The following TMEM255A variants were observed in gnomAD, a reference collection of about 807,000 sequenced individuals.
TMEM255A encodes family with sequence similarity 70, member A.
Under a neutral mutation model 23.5 loss-of-function variants are expected in TMEM255A, and 14 were observed. That is an observed-to-expected ratio of 0.60 (90% CI 0.39 to 0.93). The LOEUF is 0.93. Among genes scored for constraint, TMEM255A ranks in the 40% least tolerant of loss-of-function variants. The probability of loss-of-function intolerance (pLI) is 0.00; values close to 1 mark genes in which losing one functional copy is unlikely to be tolerated. For missense variants in TMEM255A, 233 were observed against 261.7 expected, an observed-to-expected ratio of 0.89 and a Z score of 0.76; for synonymous variants, 104 against 100.3, an observed-to-expected ratio of 1.04 and a Z score of -0.22.
chrX:120,253,221 C>T, the TMEM255A span, among the ~76,000 whole-genome samples: 3 of 112,210 alleles, frequency 2.7e-5, no homozygotes, highest in African/African-American at 9.7e-5. Flanking sequence ...AACTCAGGAG[C>T]AAGCCATGAA....
In TMEM255A at chrX:120,259,132, G is replaced by C. The variant is rs2057658281; in HGVS notation, c.*1738C>G. ...AAATTAAATATGGACATTCACTAAA[G>C]CCAACGGTCAAATGTAAATGGCAAA... On this transcript the variant is annotated 3_prime_UTR_variant, in exon 9 of 9. Transcript: ENST00000371369. 8.9e-6 allele frequency: 1 copy of C among 112,478 alleles called. No individual in the cohort carries two copies. Among genetic ancestry groups the C allele is most frequent in the Admixed American group, 9.4e-5 (1 of 10,625 alleles). 9.3% of individuals were successfully genotyped at this position (112,478 alleles called of 1,213,427 possible). A position where few individuals can be genotyped will look rare whatever the true frequency, so the allele number is the denominator to read the frequency against.
chrX:120,298,507 CACTT>C (rs782551698), intron 2 of TMEM255A, among the ~76,000 whole-genome samples: 6 of 111,660 alleles, frequency 5.4e-5, no homozygotes, highest in Admixed American at 1.9e-4. Flanking sequence ...ATCTTTATCT[CACTT>C]AGTTTAAAAA....
At chrX:120,291,404 G>A in intron 3 of TMEM255A, 64 bp from the exon 4 acceptor site, 5 of 940,909 alleles carry the variant, frequency 5.3e-6, no homozygotes, top group Non-Finnish European at 6.0e-6. Context: ...CTGGGGACCA[G>A]GCAATCCCCA....
At chrX:120,252,450 C>A in the TMEM255A span, among the ~76,000 whole-genome samples, 1 of 111,419 alleles carries the variant, frequency 9.0e-6, no homozygotes, top group South Asian at 3.7e-4. Flanking sequence ...TAGTGCTACA[C>A]AACAATGCAT....
chrX:120,297,192 G>A (rs1370691158), intron 2 of TMEM255A, among the ~76,000 whole-genome samples: 2 of 63,886 alleles, frequency 3.1e-5, no homozygotes, highest in Non-Finnish European at 5.7e-5. Context: ...TATATTCCTG[G>A]CTCTGCTACT....
chrX:120,311,455 C>T lies in TMEM255A; in HGVS notation c.-146G>A. ...CACTGCCTCTGGTTGCGAGCTGCAGCCCAAGTGCCGCCTCCCCCTCCCTTC... is the reference window on the plus strand; with the variant it reads ...CACTGCCTCTGGTTGCGAGCTGCAGTCCAAGTGCCGCCTCCCCCTCCCTTC... On this transcript the variant is annotated 5_prime_UTR_variant, in exon 1 of 9. Coordinates refer to ENST00000371369, the MANE Select transcript of TMEM255A (RefSeq NM_001104544.3). 4.0e-6 allele frequency: 2 copies of T among 499,609 alleles called. No homozygotes were observed. The highest frequency in any genetic ancestry group is 5.7e-5 in the Admixed American group (2 of 35,069). The allele number at this position is 499,609 out of a possible 1,213,427, so 41.2% of individuals were successfully genotyped here.
intron 2 of TMEM255A, among the ~76,000 whole-genome samples, chrX:120,301,866 C>G (rs1321901715): frequency 8.9e-6 from 1 of 111,749 alleles, no homozygotes; most frequent in East Asian, 2.8e-4. Context: ...AATCTGGATT[C>G]TCAGGCGTTT....
At chrX:120,287,668 T>A (rs782340252) in intron 4 of TMEM255A, among the ~76,000 whole-genome samples, 4 of 111,341 alleles carry the variant, frequency 3.6e-5, no homozygotes, top group African/African-American at 6.6e-5. Context: ...GGCTGACTTG[T>A]ACCTCTTGCT....
chrX:120,291,794 A>G (rs1556023043), intron 3 of TMEM255A, among the ~76,000 whole-genome samples: 2 of 107,741 alleles, frequency 1.9e-5, no homozygotes, highest in African/African-American at 6.8e-5. Flanking sequence ...GTGCTCACCA[A>G]CTCCTAATCC....
chrX:120,269,439 C>T (rs2057740154), intron 7 of TMEM255A, among the ~76,000 whole-genome samples: 1 of 112,251 alleles, frequency 8.9e-6, no homozygotes, highest in Non-Finnish European at 1.9e-5. Flanking sequence ...CCTTTTGGAA[C>T]ATAGCTACAG....
In TMEM255A at chrX:120,260,367, A is replaced by C. The variant is rs1261782073; in HGVS notation, c.*503T>G. On this transcript the variant is annotated 3_prime_UTR_variant, in exon 9 of 9. Coordinates refer to ENST00000371369, the MANE Select transcript of TMEM255A (RefSeq NM_001104544.3). The stretch of plus-strand genomic sequence containing the variant: ...TCTTTTTCAACATCCAGACACAAGC[A>C]AACAAAATCTTAGCCAGAACTCTCT... The C allele has an allele frequency of 2.6e-5, 4 of 155,355 alleles. No homozygotes were observed. Among genetic ancestry groups the C allele is most frequent in the Non-Finnish European group, 3.2e-5 (3 of 92,413 alleles). The allele number at this position is 155,355 out of a possible 1,213,427, so 12.8% of individuals were successfully genotyped here. A position where few individuals can be genotyped will look rare whatever the true frequency, so the allele number is the denominator to read the frequency against.
At chrX:120,291,418 G>A in intron 3 of TMEM255A, 78 bp from the exon 4 acceptor site, 3 of 839,106 alleles carry the variant, frequency 3.6e-6, no homozygotes, top group Non-Finnish European at 5.2e-6. Flanking sequence ...ATCCCCAAGA[G>A]ACTTCCAGCC....
At chrX:120,275,685 G>A (rs1433262983) in intron 7 of TMEM255A, among the ~76,000 whole-genome samples, 2 of 65,733 alleles carry the variant, frequency 3.0e-5, no homozygotes, top group African/African-American at 7.0e-5. Context: ...TTACCTGGGA[G>A]CTTAAAAAAA....
At chrX:120,284,787 T>C (rs1462570981) in intron 6 of TMEM255A, among the ~76,000 whole-genome samples, 1 of 110,943 alleles carries the variant, frequency 9.0e-6, no homozygotes, top group African/African-American at 3.3e-5. Flanking sequence ...TAAACTTGGA[T>C]ATAGACAGAG....
At chrX:120,288,881 G>T (rs2057895142) in intron 4 of TMEM255A, among the ~76,000 whole-genome samples, 1 of 112,297 alleles carries the variant, frequency 8.9e-6, no homozygotes, top group Non-Finnish European at 1.9e-5. Flanking sequence ...GTACAAGAAG[G>T]TAAAGTGATT....
chrX:120,286,944 A>G (rs1304821677), intron 5 of TMEM255A, among the ~76,000 whole-genome samples: 1 of 111,805 alleles, frequency 8.9e-6, no homozygotes, highest in Non-Finnish European at 1.9e-5. Flanking sequence ...GCCTGTGGCC[A>G]CAGAACAAAG....
intron 2 of TMEM255A, among the ~76,000 whole-genome samples, chrX:120,297,043 TATA>T (rs2057993471): frequency 1.5e-4 from 1 of 6,727 alleles, no homozygotes; most frequent in African/African-American, 1.0e-3. Context: ...ATATATAATA[TATA>T]ATATAATATA....
intron 7 of TMEM255A, among the ~76,000 whole-genome samples, chrX:120,274,804 G>A (rs1476591375): frequency 3.6e-5 from 4 of 111,835 alleles, no homozygotes; most frequent in African/African-American, 6.5e-5. Flanking sequence ...CAGTTTCAGC[G>A]CCCACAGTAG....
At chrX:120,296,481 T>C (rs1402001989) in intron 2 of TMEM255A, among the ~76,000 whole-genome samples, 2 of 100,809 alleles carry the variant, frequency 2.0e-5, no homozygotes, top group African/African-American at 7.2e-5. Flanking sequence ...ACTAGCTTTA[T>C]GTCAGATGAA....
Sources: gnomAD v4.1 joint callset for allele counts (sites outside exome capture counted in the v4.1 genomes callset) on GRCh38, gnomAD v4.1.1 for gene constraint, MANE v1.5 for transcripts, NCBI Gene and HGNC (gene_info 2026-07-23, HGNC 2026-07-21) for gene names.